The following STARD7 variants were observed in gnomAD, a reference collection of about 807,000 sequenced individuals.
STARD7 encodes the protein StAR related lipid transfer domain containing 7.
Under a neutral mutation model 45.3 loss-of-function variants are expected in STARD7, and 30 were observed. The ratio of observed to expected loss-of-function variants is 0.66; its 90% CI spans 0.50 to 0.90. The LOEUF (loss-of-function observed/expected upper bound fraction) is 0.90. Among genes scored for constraint, STARD7 ranks in the 40% least tolerant of loss-of-function variants. The pLI is 0.00. For missense variants in STARD7, 495 were observed against 491.3 expected, an observed-to-expected ratio of 1.01 and a Z score of -0.07; for synonymous variants, 199 against 183.0, an observed-to-expected ratio of 1.09 and a Z score of -0.70.
intron 1 of STARD7, among the ~76,000 whole-genome samples, chr2:96,207,034 T>C (rs1683403407): frequency 6.6e-6 from 1 of 152,216 alleles, no homozygotes; most frequent in Admixed American, 6.5e-5. Context: ...TAAGGTTGTT[T>C]GTGGTTATTA....
Position 96,204,751 on chromosome 2 carries a change from A to AAAAAAAAAAAAAC in STARD7, c.290+3393_290+3394insGTTTTTTTTTTTT, listed in dbSNP as rs1301426492. Among the ~76,000 whole-genome samples, 4 of 147,166 alleles carry AAAAAAAAAAAAAC rather than the reference A, an allele frequency of 2.7e-5. No homozygotes were observed. In the East Asian group the frequency reaches 5.8e-4, roughly 21 times the overall value. On this transcript the variant is annotated intron_variant, in intron 1 of 7. Coordinates refer to ENST00000337288, the MANE Select transcript of STARD7 (RefSeq NM_020151.4). ...AGATACCCTGAAGTGACAATGGCCA[A>AAAAAAAAAAAAAC]AAAAAAAAAAAAAAGTTCCTTTAAG... is the stretch of plus-strand genomic sequence containing the variant.
chr2:96,191,741 A>G (rs1018257669), intron 6 of STARD7, among the ~76,000 whole-genome samples: 2 of 152,082 alleles, frequency 1.3e-5, no homozygotes, highest in Non-Finnish European at 2.9e-5. Context: ...AAACTACACT[A>G]AAGAACACTG....
At chr2:96,200,985 C>CA (rs1223299820) in intron 1 of STARD7, among the ~76,000 whole-genome samples, 3 of 152,144 alleles carry the variant, frequency 2.0e-5, no homozygotes, top group South Asian at 4.1e-4. Context: ...CTTCAAGCTT[C>CA]AAAAAACCAC....
Position 96,195,556 on chromosome 2 carries a change from A to AG in STARD7, c.291-8dup, listed in dbSNP as rs771816793. On this transcript the variant is annotated splice_region_variant and splice_polypyrimidine_tract_variant and intron_variant, in intron 1 of 7. Coordinates refer to ENST00000337288, the MANE Select transcript of STARD7 (RefSeq NM_020151.4). Reference sequence around the variant, plus strand: ...CTTCATCTCATTAATAGATCTGTAAAGGGGAAAAAGAGCCATGGTGAGGTG... The same window carrying AG: ...CTTCATCTCATTAATAGATCTGTAAAGGGGGAAAAAGAGCCATGGTGAGGTG... 2.5e-6 allele frequency: 4 copies of AG among 1,609,248 alleles called. No individual in the cohort carries two copies. Among genetic ancestry groups the AG allele is most frequent in the African/African-American group, 2.7e-5 (2 of 74,922 alleles).
chr2:96,202,144 G>A (rs562415215), intron 1 of STARD7, among the ~76,000 whole-genome samples: 27 of 152,066 alleles, frequency 1.8e-4, no homozygotes, highest in African/African-American at 6.3e-4. Flanking sequence ...CCCCCCTCCC[G>A]CCCACAAGCA....
In STARD7 at chr2:96,185,232, C is replaced by A. The variant is rs1683016214; in HGVS notation, c.*1498G>T. On this transcript the variant is annotated 3_prime_UTR_variant, in exon 8 of 8. Transcript: ENST00000337288. ...GCTCGATGCATCTCTCCTCTTCCAA[C>A]AATGACGCGGAGAAGGCAAGACATA... The A allele has an allele frequency of 6.6e-6, 1 of 152,608 alleles. No homozygotes were observed. Among genetic ancestry groups the A allele is most frequent in the Admixed American group, 6.6e-5 (1 of 15,266 alleles). 9.5% of individuals were successfully genotyped at this position (152,608 alleles called of 1,614,324 possible).
chr2:96,190,366 C>T (rs1683106849), intron 6 of STARD7, among the ~76,000 whole-genome samples: 1 of 142,864 alleles, frequency 7.0e-6, no homozygotes, highest in Non-Finnish European at 1.5e-5. Context: ...AGACGAGTCT[C>T]ACTGTGTCGC....
rs748967896 is a variant in STARD7 at position 96,208,130 on chromosome 2, C to T, written c.290+15G>A. 9 of 1,525,178 alleles carry T rather than the reference C, an allele frequency of 5.9e-6. No individual in the cohort carries two copies. The Admixed American group carries it at 1.9e-4, about 32-fold the overall frequency. The allele number at this position is 1,525,178 out of a possible 1,614,324, so 94.5% of individuals were successfully genotyped here. ...CCCACCCCACGGCCCAGAAAGAGCT[C>T]GCCGCAGCGCCCACCTCTGCAACTC... On this transcript the variant is annotated intron_variant, in intron 1 of 7. Coordinates refer to ENST00000337288, the MANE Select transcript of STARD7 (RefSeq NM_020151.4).
intron 3 of STARD7, among the ~76,000 whole-genome samples, chr2:96,194,674 G>A (rs907145293): frequency 1.3e-5 from 2 of 152,040 alleles, no homozygotes; most frequent in African/African-American, 4.8e-5. Flanking sequence ...GTTGTTTGGG[G>A]AAAAAAACAA....
At chr2:96,192,940 A>G in intron 5 of STARD7, 138 bp downstream of exon 5, 2 of 667,376 alleles carry the variant, frequency 3.0e-6, no homozygotes, top group Admixed American at 2.4e-5. Flanking sequence ...CTCATCTTCT[A>G]GCTGGATGGA....
chr2:96,203,827 G>T (rs539496513), intron 1 of STARD7, among the ~76,000 whole-genome samples: 1 of 152,122 alleles, frequency 6.6e-6, no homozygotes, highest in Non-Finnish European at 1.5e-5. Context: ...TTAGGTGGGC[G>T]TGGTGGGGCA....
rs62153013 is a variant in STARD7, at chr2:96,195,875, G to A, written c.291-326C>T. 6.7e-3 allele frequency among the ~76,000 whole-genome samples: 1,017 copies of A among 152,156 alleles called. 3 individuals are homozygous for A. The highest frequency in any genetic ancestry group is 0.01 in the Non-Finnish European group (687 of 67,986). ...CTCACGACTGTAATCTCAACACTGG[G>A]AGGCAGAAGAGGGTGGATCACGAGG... On this transcript the variant is annotated intron_variant, in intron 1 of 7. Transcript: ENST00000337288.
At chr2:96,191,843 A>G (rs571208905) in intron 6 of STARD7, among the ~76,000 whole-genome samples, 103 of 152,328 alleles carry the variant, frequency 6.8e-4, no homozygotes, top group African/African-American at 2.4e-3. Context: ...ACTAGCATCA[A>G]TATCTATACT....
intron 1 of STARD7, among the ~76,000 whole-genome samples, chr2:96,206,811 A>AG (rs1683398964): frequency 6.6e-6 from 1 of 151,084 alleles, no homozygotes; most frequent in African/African-American, 2.4e-5. Flanking sequence ...AAAAAAAAAA[A>AG]AAAAAAAAAA....
At chr2:96,201,330 T>C (rs1304902362) in intron 1 of STARD7, among the ~76,000 whole-genome samples, 3 of 150,574 alleles carry the variant, frequency 2.0e-5, no homozygotes, top group Non-Finnish European at 4.4e-5. Flanking sequence ...ATCCTCAGCA[T>C]TTTGGGAGGC....
intron 6 of STARD7, among the ~76,000 whole-genome samples, chr2:96,189,424 G>A (rs1430920725): frequency 6.6e-6 from 1 of 152,148 alleles, no homozygotes; most frequent in Non-Finnish European, 1.5e-5. Flanking sequence ...TTAGCTGGGG[G>A]CTGGGCACGG....
intron 1 of STARD7, among the ~76,000 whole-genome samples, chr2:96,202,378 C>G (rs1336577321): frequency 1.3e-5 from 2 of 152,128 alleles, no homozygotes; most frequent in Non-Finnish European, 2.9e-5. Context: ...GACCTAATAC[C>G]GTTTTGATTA....
At chr2:96,191,840 T>C (rs758867182) in intron 6 of STARD7, among the ~76,000 whole-genome samples, 12 of 152,054 alleles carry the variant, frequency 7.9e-5, no homozygotes, top group Admixed American at 7.9e-4. Flanking sequence ...GCCACTAGCA[T>C]CAATATCTAT....
chr2:96,202,443 C>G (rs1212884614), intron 1 of STARD7, among the ~76,000 whole-genome samples: 6 of 152,050 alleles, frequency 3.9e-5, no homozygotes, highest in African/African-American at 2.4e-5. Flanking sequence ...AACCAAGAAC[C>G]CTGACCAGCT....
Sources: allele counts gnomAD v4.1 joint callset (sites outside exome capture counted in the v4.1 genomes callset), GRCh38; gene constraint gnomAD v4.1.1; transcripts MANE v1.5; gene names NCBI Gene and HGNC (gene_info 2026-07-23, HGNC 2026-07-21).